PDE4D: variants seen among roughly 807,000 people sequenced by gnomAD.
The protein encoded by PDE4D is phosphodiesterase 4D.
Under a neutral mutation model 87.4 loss-of-function variants are expected in PDE4D, and 24 were observed. That is an observed-to-expected ratio of 0.27 (90% CI 0.20 to 0.39). PDE4D has a LOEUF of 0.39. Among genes scored for constraint, PDE4D ranks in the 10% least tolerant of loss-of-function variants. The pLI is 1.00. For synonymous variants in PDE4D, 384 were observed against 383.2 expected (o/e 1.00, Z -0.02); for missense variants, 714 against 1,041.0 (o/e 0.69, Z 4.32).
chr5:59,725,437 C>G (rs139782156), intron 1 of PDE4D, among the ~76,000 whole-genome samples: 279 of 152,074 alleles, frequency 1.8e-3, no homozygotes, highest in African/African-American at 3.8e-3. Flanking sequence ...TAACAAAAAG[C>G]CTTTGAAATA....
intron 1 of PDE4D, among the ~76,000 whole-genome samples, chr5:59,553,829 G>C (rs995311259): frequency 6.6e-6 from 1 of 152,122 alleles, no homozygotes; most frequent in African/African-American, 2.4e-5. Flanking sequence ...ATTACAAAGT[G>C]AAATGTGGAA....
intron 1 of PDE4D, among the ~76,000 whole-genome samples, chr5:59,517,706 T>C (rs1261964233): frequency 6.6e-6 from 1 of 152,196 alleles, no homozygotes; most frequent in Non-Finnish European, 1.5e-5. Context: ...GTTACATGAG[T>C]TAAAATACCT....
chr5:59,994,808 CTATTTT>C (rs1763368938), intron 2 of PDE4D, among the ~76,000 whole-genome samples: 2 of 152,136 alleles, frequency 1.3e-5, no homozygotes, highest in South Asian at 4.1e-4. Flanking sequence ...ACAGGTAGTA[CTATTTT>C]ATGTGTATAT....
chr5:59,680,480 C>T (rs1748824073), intron 1 of PDE4D, among the ~76,000 whole-genome samples: 2 of 151,912 alleles, frequency 1.3e-5, no homozygotes, highest in Non-Finnish European at 1.5e-5. Context: ...AATATCATTC[C>T]AGATTAATCG....
At chr5:60,295,657 T>C (rs946337959) in intron 1 of PDE4D, among the ~76,000 whole-genome samples, 3 of 152,166 alleles carry the variant, frequency 2.0e-5, no homozygotes, top group African/African-American at 7.2e-5. Flanking sequence ...AATGTCCCTA[T>C]GGTCAAAGTT....
intron 1 of PDE4D, among the ~76,000 whole-genome samples, chr5:59,676,130 CA>C (rs1561455775): frequency 6.6e-6 from 1 of 152,032 alleles, no homozygotes; most frequent in African/African-American, 2.4e-5. Flanking sequence ...TTTAATAACA[CA>C]AGCATGCACT....
chr5:59,413,830 T>A (rs16889810), intron 1 of PDE4D, among the ~76,000 whole-genome samples: 25,601 of 152,144 alleles, frequency 0.17, 2,890 homozygotes, highest in African/African-American at 0.31. Flanking sequence ...AACTTCCTCC[T>A]AGAATGATGC....
chr5:60,068,762 T>C (rs545851016), intron 2 of PDE4D, among the ~76,000 whole-genome samples: 1 of 152,230 alleles, frequency 6.6e-6, no homozygotes, highest in African/African-American at 2.4e-5. Flanking sequence ...CATATCCAGC[T>C]AATTTTTTCT....
At chr5:59,253,542 T>C (rs1265828839) in intron 1 of PDE4D, among the ~76,000 whole-genome samples, 1 of 152,158 alleles carries the variant, frequency 6.6e-6, no homozygotes, top group Non-Finnish European at 1.5e-5. Flanking sequence ...AGATGATGAT[T>C]GAAGAAAATG....
chr5:59,808,934 G>A (rs557272298), intron 1 of PDE4D, among the ~76,000 whole-genome samples: 17 of 152,256 alleles, frequency 1.1e-4, no homozygotes, highest in African/African-American at 4.1e-4. Context: ...GGCTGAATTA[G>A]TTAAAACTCC....
intron 1 of PDE4D, among the ~76,000 whole-genome samples, chr5:59,754,993 T>G (rs1293341269): frequency 2.6e-5 from 4 of 152,104 alleles, no homozygotes; most frequent in Non-Finnish European, 5.9e-5. Flanking sequence ...AATGTCCCTC[T>G]TCCTATGGTG....
chr5:59,432,352 T>C (rs969666540), intron 1 of PDE4D, among the ~76,000 whole-genome samples: 9 of 152,094 alleles, frequency 5.9e-5, no homozygotes, highest in Non-Finnish European at 1.3e-4. Flanking sequence ...TAAGATTCCA[T>C]GGCATAAATG....
chr5:59,257,319 A>C (rs531747628), intron 1 of PDE4D, among the ~76,000 whole-genome samples: 2 of 152,116 alleles, frequency 1.3e-5, no homozygotes, highest in South Asian at 4.2e-4. Context: ...GGTGGCCAGG[A>C]AAAAGAACAC....
At chr5:60,442,243 T>C (rs1334571183) in intron 1 of PDE4D, among the ~76,000 whole-genome samples, 1 of 152,138 alleles carries the variant, frequency 6.6e-6, no homozygotes, top group African/African-American at 2.4e-5. Flanking sequence ...ATATATACCA[T>C]GGAATACTAT....
chr5:59,356,849 T>G, intron 1 of PDE4D: 1 of 1,543,274 alleles, frequency 6.5e-7, no homozygotes, highest in Non-Finnish European at 8.6e-7. Flanking sequence ...AAAGCCATTT[T>G]TAAGGACGAT....
rs1743499723 is a variant in PDE4D, at chr5:58,975,533, T to G, written c.2013+124A>C. 5 of 685,014 alleles carry G rather than the reference T, an allele frequency of 7.3e-6. No homozygotes were observed. The South Asian group carries it at 1.4e-4, about 20-fold the overall frequency. 42.4% of individuals were successfully genotyped at this position (685,014 alleles called of 1,614,324 possible). Reference sequence around the variant, plus strand: ...TGGATCATAAATACTAAGGTGAAATTGAGCTTGTCAAAAACAAAGTAATTT... The same window carrying G: ...TGGATCATAAATACTAAGGTGAAATGGAGCTTGTCAAAAACAAAGTAATTT... On this transcript the variant is annotated intron_variant, in intron 14 of 14. Coordinates refer to ENST00000340635, the MANE Select transcript of PDE4D (RefSeq NM_001104631.2). The surrounding 1 kb of genome is among the most constrained non-coding windows in gnomAD (Gnocchi z 4.2).
At chr5:60,429,922 AC>A (rs1744065543) in intron 1 of PDE4D, 1 of 440,076 alleles carries the variant, frequency 2.3e-6, no homozygotes, top group Non-Finnish European at 4.5e-6. Flanking sequence ...ATTCACACCG[AC>A]TGTAGATTTT....
intron 5 of PDE4D, among the ~76,000 whole-genome samples, chr5:59,121,397 A>G (rs991064059): frequency 1.3e-5 from 2 of 152,178 alleles, no homozygotes; most frequent in Admixed American, 6.6e-5. Flanking sequence ...CAAAGGACAT[A>G]AATAGGCATT....
At chr5:59,163,675 T>G (rs1218353150) in intron 5 of PDE4D, among the ~76,000 whole-genome samples, 1 of 152,226 alleles carries the variant, frequency 6.6e-6, no homozygotes, top group Non-Finnish European at 1.5e-5. Flanking sequence ...TTCCACCTTC[T>G]GACTTCCTTA....
Sources: gnomAD v4.1 joint callset for allele counts (sites outside exome capture counted in the v4.1 genomes callset) on GRCh38, gnomAD v4.1.1 for gene constraint, Gnocchi (gnomAD v3.1) non-coding constraint, MANE v1.5 for transcripts, NCBI Gene and HGNC (gene_info 2026-07-23, HGNC 2026-07-21) for gene names.